The following SLC1A2 variants were observed in gnomAD, a reference collection of about 807,000 sequenced individuals.
SLC1A2 encodes solute carrier family 1 member 2.
In SLC1A2, 15 loss-of-function variants were observed where a neutral mutation model predicts 48.8. The ratio of observed to expected loss-of-function variants is 0.31; its 90% CI spans 0.21 to 0.47. The LOEUF (loss-of-function observed/expected upper bound fraction) is 0.47. Ranked by LOEUF, SLC1A2 falls within the 20% of genes least tolerant of loss-of-function variation. The pLI is 0.99. For missense variants in SLC1A2, 502 were observed against 730.5 expected, an observed-to-expected ratio of 0.69 and a Z score of 3.61; for synonymous variants, 279 against 272.6, an observed-to-expected ratio of 1.02 and a Z score of -0.23.
chr11:35,370,925 A>C lies in SLC1A2; in HGVS notation c.17+48025T>G, dbSNP rs55643101. 3,111 of 981,412 alleles carry C rather than the reference A, an allele frequency of 3.2e-3. 62 individuals are homozygous for C. The African/African-American group carries it at 0.047, about 15-fold the overall frequency. The allele number at this position is 981,412 out of a possible 1,614,324, so 60.8% of individuals were successfully genotyped here. A position where few individuals can be genotyped will look rare whatever the true frequency, so the allele number is the denominator to read the frequency against. On this transcript the variant is annotated intron_variant, in intron 1 of 10. Coordinates refer to ENST00000278379, the MANE Select transcript of SLC1A2 (RefSeq NM_004171.4). ...TAAGATATATGCAAGAATACATGAA[A>C]TATATGAAAACTTGCCTTGCTTATT...
intron 1 of SLC1A2, among the ~76,000 whole-genome samples, chr11:35,334,631 TCTC>T (rs1429801351): frequency 5.9e-5 from 9 of 152,148 alleles, no homozygotes; most frequent in Non-Finnish European, 1.5e-5. Context: ...TTCACTATCT[TCTC>T]TGCATGGCCC....
At chr11:35,314,988 C>T (rs117088500) in intron 3 of SLC1A2, 35 bp downstream of exon 3, 35,648 of 1,543,250 alleles carry the variant, frequency 0.023, 477 homozygotes, top group Non-Finnish European at 0.027. Flanking sequence ...AGGAGTATGA[C>T]CCATGTTAGC....
At chr11:35,396,247 G>A (rs1256778858) in intron 1 of SLC1A2, among the ~76,000 whole-genome samples, 26 of 105,480 alleles carry the variant, frequency 2.5e-4, no homozygotes, top group African/African-American at 6.5e-4. Flanking sequence ...CTGAGGAATC[G>A]CCACACTGAC....
At chr11:35,336,259 G>C (rs184464330) in intron 1 of SLC1A2, among the ~76,000 whole-genome samples, 5 of 152,068 alleles carry the variant, frequency 3.3e-5, no homozygotes, top group Non-Finnish European at 7.4e-5. Flanking sequence ...GCAACAAACC[G>C]CTATGGCACA....
At chr11:35,335,531 T>C (rs1852596843) in intron 1 of SLC1A2, among the ~76,000 whole-genome samples, 1 of 152,208 alleles carries the variant, frequency 6.6e-6, no homozygotes, top group African/African-American at 2.4e-5. Context: ...CTGAACTCTA[T>C]AGCTGAAGGA....
At chr11:35,281,622 T>C (rs1398757327) in intron 8 of SLC1A2, among the ~76,000 whole-genome samples, 1 of 152,124 alleles carries the variant, frequency 6.6e-6, no homozygotes, top group Non-Finnish European at 1.5e-5. Flanking sequence ...CAAGAAATGA[T>C]AATGAAAGAA....
At position 35,267,185 on chromosome 11, in the gene SLC1A2, G is replaced by T. The variant is rs531041792; in HGVS notation, c.1422-1427C>A. ...TTGGAATAATTGCTAAGAAGCCCCA[G>T]TACGTGGGTTTAGGAAGGAATACAT... On this transcript the variant is annotated intron_variant, in intron 9 of 10. Transcript: ENST00000278379. 2.0e-5 allele frequency among the ~76,000 whole-genome samples: 3 copies of T among 152,286 alleles called. No individual in the cohort carries two copies. In the South Asian group the frequency reaches 6.2e-4, roughly 32 times the overall value.
At chr11:35,324,060 A>C (rs1053080299) in intron 1 of SLC1A2, among the ~76,000 whole-genome samples, 33 of 152,340 alleles carry the variant, frequency 2.2e-4, no homozygotes, top group African/African-American at 7.2e-4. Flanking sequence ...GGAACTGGTG[A>C]GGTGGCACTC....
At chr11:35,272,888 A>C (rs1375197952) in intron 9 of SLC1A2, among the ~76,000 whole-genome samples, 1 of 152,146 alleles carries the variant, frequency 6.6e-6, no homozygotes, top group Non-Finnish European at 1.5e-5. Flanking sequence ...GTTACTTCAC[A>C]CTGAGTCACT....
chr11:35,368,796 G>A (rs918996406), intron 1 of SLC1A2, among the ~76,000 whole-genome samples: 4 of 152,162 alleles, frequency 2.6e-5, no homozygotes, highest in Non-Finnish European at 5.9e-5. Context: ...TCCCTGACAC[G>A]TCTTTGGCCC....
intron 1 of SLC1A2, 90 bp from the exon 2 acceptor site, chr11:35,317,606 C>G: frequency 1.4e-6 from 2 of 1,445,160 alleles, no homozygotes; most frequent in Non-Finnish European, 1.9e-6. Flanking sequence ...TCTCCAGGCA[C>G]AGTTGGAATC....
intron 1 of SLC1A2, among the ~76,000 whole-genome samples, chr11:35,400,774 C>T (rs1855113511): frequency 6.6e-6 from 1 of 152,094 alleles, no homozygotes; most frequent in African/African-American, 2.4e-5. Context: ...TGAAAAGTGT[C>T]AAACTCTGTA....
At chr11:35,332,532 C>A (rs1352146151) in intron 1 of SLC1A2, among the ~76,000 whole-genome samples, 1 of 152,178 alleles carries the variant, frequency 6.6e-6, no homozygotes, top group Non-Finnish European at 1.5e-5. Context: ...AGGTGTTCAG[C>A]AAAAGCTGGT....
chr11:35,355,914 G>T (rs1312485444), intron 1 of SLC1A2, among the ~76,000 whole-genome samples: 1 of 150,864 alleles, frequency 6.6e-6, no homozygotes, highest in African/African-American at 2.4e-5. Context: ...AAAAATCTTA[G>T]CTGATGGTCT....
rs55907004 is a variant in SLC1A2 at position 35,272,873 on chromosome 11, A to T, written c.1422-7115T>A. On this transcript the variant is annotated intron_variant, in intron 9 of 10. Transcript: ENST00000278379. Reference sequence around the variant, plus strand: ...GAACCAAAAATGAGAGAGGGGCTTGACCGAGTTACTTCACACTGAGTCACT... The same window carrying T: ...GAACCAAAAATGAGAGAGGGGCTTGTCCGAGTTACTTCACACTGAGTCACT... Among the ~76,000 whole-genome samples the T allele has an allele frequency of 5.1e-3, 770 of 152,270 alleles. 8 individuals are homozygous for T. Among genetic ancestry groups the T allele is most frequent in the African/African-American group, 0.017 (726 of 41,544 alleles).
intron 1 of SLC1A2, among the ~76,000 whole-genome samples, chr11:35,366,403 C>T (rs1344800423): frequency 6.6e-6 from 1 of 152,174 alleles, no homozygotes. Context: ...TACACACGGG[C>T]TGGAAGTGCT....
In SLC1A2 at chr11:35,400,595, A is replaced by G. The variant is rs574313872; in HGVS notation, c.17+18355T>C. 2.1e-4 allele frequency among the ~76,000 whole-genome samples: 32 copies of G among 152,218 alleles called. 1 individual carries two copies. Among genetic ancestry groups the G allele is most frequent in the Non-Finnish European group, 2.5e-4 (17 of 68,028 alleles). On this transcript the variant is annotated intron_variant, in intron 1 of 10. Coordinates refer to ENST00000278379, the MANE Select transcript of SLC1A2 (RefSeq NM_004171.4). The stretch of plus-strand genomic sequence containing the variant: ...TAAATTCGTTATGGATAAACTCTCC[A>G]TCCTTACAGAATGCTGCCTTAATAT...
rs1426742656 is a variant in SLC1A2 at position 35,251,759 on chromosome 11, T to C, written c.*9135A>G. 6.6e-6 allele frequency: 1 copy of C among 152,634 alleles called. No individual in the cohort carries two copies. Among genetic ancestry groups the C allele is most frequent in the Non-Finnish European group, 1.5e-5 (1 of 68,032 alleles). 9.5% of individuals were successfully genotyped at this position (152,634 alleles called of 1,614,324 possible). On this transcript the variant is annotated 3_prime_UTR_variant, in exon 11 of 11. Transcript: ENST00000278379. ...AGCAGCCACTGCAAATTAATGTGCTTCATGCCCCCTGATGATATTGTAGGC... is the reference window on the plus strand; with the variant it reads ...AGCAGCCACTGCAAATTAATGTGCTCCATGCCCCCTGATGATATTGTAGGC...
In SLC1A2 at chr11:35,345,896, A is replaced by G. The variant is rs1010662359; in HGVS notation, c.18-28380T>C. Among the ~76,000 whole-genome samples, 3 of 152,274 alleles carry G rather than the reference A, an allele frequency of 2.0e-5. No individual in the cohort carries two copies. The South Asian group carries it at 6.2e-4, about 32-fold the overall frequency. On this transcript the variant is annotated intron_variant, in intron 1 of 10. Transcript: ENST00000278379. ...AAATGTTTTATATTCATTTTAACTC[A>G]TTTTCTTAGTTAAACCTCACAACCT...
Sources: gnomAD v4.1 joint callset for allele counts (sites outside exome capture counted in the v4.1 genomes callset) on GRCh38, gnomAD v4.1.1 for gene constraint, MANE v1.5 for transcripts, NCBI Gene and HGNC (gene_info 2026-07-23, HGNC 2026-07-21) for gene names.